Variants in CDH23 observed in about 807,000 individuals in gnomAD.
CDH23 encodes the protein cadherin-23.
A neutral mutation model predicts 317.1 loss-of-function variants in CDH23; 189 were observed. The ratio of observed to expected loss-of-function variants is 0.60; its 90% CI spans 0.53 to 0.67. The LOEUF (loss-of-function observed/expected upper bound fraction) is 0.67, where lower values mean the gene tolerates loss of function less well. Among genes scored for constraint, CDH23 ranks in the 30% least tolerant of loss-of-function variants. The pLI, the probability that CDH23 is intolerant of heterozygous loss-of-function variation, is 0.00. For missense variants in CDH23, 4,401 were observed against 4,592.4 expected (o/e 0.96, Z 1.20); for synonymous variants, 1,839 against 1,876.8 (o/e 0.98, Z 0.52).
At position 71,452,393 on chromosome 10, in the gene CDH23, A is replaced by G. The variant is rs548665591; in HGVS notation, c.145+5998A>G. The stretch of plus-strand genomic sequence containing the variant: ...CCTGCAGGAAGAAGTAGAGCTCTGT[A>G]TCTCAGCGAGTCGCCCCCACTCTCC... On this transcript the variant is annotated intron_variant, in intron 3 of 69. Transcript: ENST00000224721. Among the ~76,000 whole-genome samples, 13 of 152,270 alleles carry G rather than the reference A, an allele frequency of 8.5e-5. No individual in the cohort carries two copies. In the East Asian group the frequency reaches 2.5e-3, roughly 29 times the overall value.
chr10:71,714,182 A>G (rs1001009449), intron 28 of CDH23: 1 of 152,148 alleles, frequency 6.6e-6, no homozygotes, highest in Non-Finnish European at 1.5e-5. Flanking sequence ...AGGAAGGGAC[A>G]GTGGGCTTCT....
chr10:71,813,445 G>A, intron 69 of CDH23, 97 bp downstream of exon 69: 1 of 1,095,914 alleles, frequency 9.1e-7, no homozygotes, highest in Non-Finnish European at 1.3e-6. Context: ...TGTCTCTGGA[G>A]CTCTGCAGCC....
At chr10:71,786,738 T>G (rs1030962643) in intron 44 of CDH23, among the ~76,000 whole-genome samples, 1 of 152,102 alleles carries the variant, frequency 6.6e-6, no homozygotes, top group Non-Finnish European at 1.5e-5. Flanking sequence ...CCTCAAGCAA[T>G]CCACCTGCCT....
chr10:71,607,472 T>C (rs1042458225), intron 9 of CDH23, among the ~76,000 whole-genome samples: 4 of 152,322 alleles, frequency 2.6e-5, no homozygotes, highest in African/African-American at 4.8e-5. Context: ...GAATAAGACA[T>C]GCATACAAGA....
In CDH23 at chr10:71,705,025, A is replaced by G; in HGVS notation, c.2848A>G (p.Thr950Ala). The part of the protein sequence containing the change: ...INSSSGVVVT[T>A]TELDRERIAE... ...CAGCAGCAGCGGCGTGGTGGTCACC[A>G]CCACCGAGCTGGACCGCGAGCGCAT... The change falls in exon 25 of 70, where the codon ACC (threonine) becomes GCC (alanine). Residue 950 changes from threonine (T) to alanine (A), a missense_variant. Coordinates refer to ENST00000224721, the MANE Select transcript of CDH23 (RefSeq NM_022124.6). 1 of 1,612,676 alleles carries G rather than the reference A, an allele frequency of 6.2e-7. No individual in the cohort carries two copies. The highest frequency in any genetic ancestry group is 8.5e-7 in the Non-Finnish European group (1 of 1,179,816).
chr10:71,509,716 T>C (rs1409154887), intron 3 of CDH23, among the ~76,000 whole-genome samples: 2 of 152,250 alleles, frequency 1.3e-5, no homozygotes, highest in Non-Finnish European at 2.9e-5. Context: ...ATGCTCATCT[T>C]GGAACATAAG....
intron 11 of CDH23, among the ~76,000 whole-genome samples, chr10:71,642,565 A>G (rs2132584712): frequency 6.6e-6 from 1 of 151,568 alleles, no homozygotes; most frequent in East Asian, 1.9e-4. Flanking sequence ...TGCCCAGCTA[A>G]TTTTTTTGTA....
chr10:71,785,546 G>A, intron 43 of CDH23, 85 bp from the exon 44 acceptor site: 1 of 903,366 alleles, frequency 1.1e-6, no homozygotes, highest in South Asian at 1.5e-5. Context: ...ATTTAGGGAG[G>A]CCAAGCAGAG....
chr10:71,655,901 ACT>A (rs945169667), intron 14 of CDH23, among the ~76,000 whole-genome samples: 5 of 151,164 alleles, frequency 3.3e-5, no homozygotes, highest in Non-Finnish European at 7.4e-5. Flanking sequence ...CCCACATTTC[ACT>A]CTCTGTGCCA....
chr10:71,716,238 C>T (rs1342225145), intron 28 of CDH23: 4 of 1,549,916 alleles, frequency 2.6e-6, no homozygotes, highest in Middle Eastern at 1.7e-4. Flanking sequence ...GGGAGGGGGT[C>T]AGTTGCCTCT....
At chr10:71,635,298 G>C (rs764635778) in intron 11 of CDH23, 1 of 152,672 alleles carries the variant, frequency 6.5e-6, no homozygotes, top group Non-Finnish European at 1.5e-5. Flanking sequence ...GCACGTGCAG[G>C]TGAGGAGGAC....
At position 71,617,573 on chromosome 10, in the gene CDH23, T is replaced by C. The variant is rs6480536; in HGVS notation, c.1134+180T>C. 0.23 allele frequency: 332,557 copies of C among 1,437,982 alleles called. 45,192 individuals are homozygous for C. The highest frequency in any genetic ancestry group is 0.54 in the East Asian group (21,368 of 39,606). The allele number at this position is 1,437,982 out of a possible 1,614,324, so 89.1% of individuals were successfully genotyped here. On this transcript the variant is annotated intron_variant, in intron 11 of 69. Coordinates refer to ENST00000224721, the MANE Select transcript of CDH23 (RefSeq NM_022124.6). ...ATCACTAGTCTCTACTTTTGGATTA[T>C]CCCCTACACCCTGCAAAAAACATGT...
At chr10:71,572,033 T>C (rs1857853696) in intron 8 of CDH23, among the ~76,000 whole-genome samples, 4 of 152,232 alleles carry the variant, frequency 2.6e-5, no homozygotes, top group Admixed American at 6.5e-5. Flanking sequence ...TGTATGGGGC[T>C]GGCATTTGGC....
chr10:71,735,541 G>A (rs1190956626), intron 34 of CDH23, among the ~76,000 whole-genome samples: 1 of 152,302 alleles, frequency 6.6e-6, no homozygotes, highest in East Asian at 1.9e-4. Context: ...ACACTGGCCA[G>A]TCACATCAGC....
intron 3 of CDH23, among the ~76,000 whole-genome samples, chr10:71,483,474 A>G (rs1289228811): frequency 6.6e-6 from 1 of 151,872 alleles, no homozygotes; most frequent in Admixed American, 6.6e-5. Flanking sequence ...CTTGCTCCTC[A>G]CTTTGCCAGT....
chr10:71,638,227 C>A (rs116768502), intron 11 of CDH23, among the ~76,000 whole-genome samples: 2 of 152,070 alleles, frequency 1.3e-5, no homozygotes, highest in Non-Finnish European at 2.9e-5. Flanking sequence ...AGGAAGTGAC[C>A]CAGCCTGTTC....
intron 6 of CDH23, among the ~76,000 whole-genome samples, chr10:71,517,607 C>T (rs1854408501): frequency 6.6e-6 from 1 of 152,238 alleles, no homozygotes; most frequent in South Asian, 2.1e-4. Context: ...TGCCATGGCC[C>T]CTGAGTTGAC....
At chr10:71,803,101 T>G in intron 54 of CDH23, 26 bp downstream of exon 54, 1 of 1,600,994 alleles carries the variant, frequency 6.2e-7, no homozygotes, top group Non-Finnish European at 8.5e-7. Context: ...TGGACACCCA[T>G]GATGTCTTGG....
rs2132968734 is a variant in CDH23 at position 71,799,572 on chromosome 10, A to G, written c.7305A>G (p.Ala2435=). The change falls in exon 52 of 70, where the codon GCA becomes GCG. Residue 2435 remains alanine, a synonymous_variant. Coordinates refer to ENST00000224721, the MANE Select transcript of CDH23 (RefSeq NM_022124.6). The part of the protein sequence containing the change: ...TATDADSGNF[A]LIEYSLGDGE... ...CTGATGCTGACTCAGGCAACTTTGCACTCATTGAGTACAGCCTTGGAGATG... is the reference window on the plus strand; with the variant it reads ...CTGATGCTGACTCAGGCAACTTTGCGCTCATTGAGTACAGCCTTGGAGATG... 6 of 1,614,036 alleles carry G rather than the reference A, an allele frequency of 3.7e-6. No homozygotes were observed. The highest frequency in any genetic ancestry group is 5.1e-6 in the Non-Finnish European group (6 of 1,179,888).
Sources: allele counts gnomAD v4.1 joint callset (sites outside exome capture counted in the v4.1 genomes callset), GRCh38; gene constraint gnomAD v4.1.1; transcripts MANE v1.5; gene names NCBI Gene and HGNC (gene_info 2026-07-23, HGNC 2026-07-21).